APP: variants seen among roughly 807,000 people sequenced by gnomAD.
APP encodes amyloid-beta precursor protein.
APP carries 31 observed loss-of-function variants against 101.4 expected under a neutral mutation model. The observed-to-expected ratio is 0.31, with a 90% CI of 0.23 to 0.41. The LOEUF is 0.41. Among genes scored for constraint, APP ranks in the 10% least tolerant of loss-of-function variants. APP has a pLI of 1.00. For missense variants in APP, 839 were observed against 1,003.7 expected (o/e 0.84, Z 2.22); for synonymous variants, 366 against 364.4 (o/e 1.00, Z -0.05).
rs1210822893 is a variant in APP, at chr21:25,911,970, A to C, written c.1688-8T>G. The C allele has an allele frequency of 6.2e-7, 1 of 1,606,872 alleles. No homozygotes were observed. Among genetic ancestry groups the C allele is most frequent in the Non-Finnish European group, 8.5e-7 (1 of 1,173,506 alleles). On this transcript the variant is annotated splice_region_variant and splice_polypyrimidine_tract_variant and intron_variant, in intron 13 of 17. Transcript: ENST00000346798. Reference sequence around the variant, plus strand: ...CTTTCTGAAGCAGCTCATCTAAACCAAACAAAACCATCTCTTTGGTGAGTA... The same window carrying C: ...CTTTCTGAAGCAGCTCATCTAAACCCAACAAAACCATCTCTTTGGTGAGTA...
chr21:26,019,068 T>C (rs2044220851), intron 6 of APP, among the ~76,000 whole-genome samples: 1 of 152,262 alleles, frequency 6.6e-6, no homozygotes, highest in African/African-American at 2.4e-5. Flanking sequence ...CATCCTCTCA[T>C]TGTACTGCAT....
intron 3 of APP, among the ~76,000 whole-genome samples, chr21:26,053,975 T>C (rs557710284): frequency 4.6e-5 from 7 of 152,316 alleles, no homozygotes; most frequent in African/African-American, 9.6e-5. Flanking sequence ...ATTGAAGATA[T>C]AAAGATATTA....
chr21:26,144,086 G>A (rs945398488), intron 1 of APP, among the ~76,000 whole-genome samples: 19 of 152,022 alleles, frequency 1.2e-4, no homozygotes, highest in African/African-American at 4.6e-4. Flanking sequence ...ATGGTGGCAG[G>A]AAGAAGAAGT....
intron 1 of APP, among the ~76,000 whole-genome samples, chr21:26,153,982 A>C (rs1601587080): frequency 6.6e-6 from 1 of 152,226 alleles, no homozygotes; most frequent in Non-Finnish European, 1.5e-5. Context: ...CAAATATTTC[A>C]CAAAAATGAG....
intron 3 of APP, among the ~76,000 whole-genome samples, chr21:26,057,473 CCACACA>C (rs71855086): frequency 0.055 from 8,145 of 149,138 alleles, 417 homozygotes; most frequent in East Asian, 0.22. Context: ...ATGTCACACA[CCACACA>C]CACACACACA....
chr21:26,106,489 A>G (rs1174439442), intron 2 of APP, among the ~76,000 whole-genome samples: 1 of 152,170 alleles, frequency 6.6e-6, no homozygotes, highest in African/African-American at 2.4e-5. Context: ...TCCAAGACCC[A>G]GGCAATCACA....
rs114577706 is a variant in APP, at chr21:25,958,871, C to G, written c.1459-3116G>C. The stretch of plus-strand genomic sequence containing the variant: ...TATATTAAATGCTTTTTGCTGGTAA[C>G]TCATCAAATCTTCGTCTCAGCCCTA... On this transcript the variant is annotated intron_variant, in intron 11 of 17. Transcript: ENST00000346798. 4.1e-3 allele frequency among the ~76,000 whole-genome samples: 631 copies of G among 152,218 alleles called. 5 individuals carry two copies. Among genetic ancestry groups the G allele is most frequent in the African/African-American group, 0.015 (606 of 41,530 alleles).
At chr21:26,025,360 T>C (rs1042343856) in intron 5 of APP, among the ~76,000 whole-genome samples, 6 of 152,214 alleles carry the variant, frequency 3.9e-5, no homozygotes, top group African/African-American at 1.4e-4. Context: ...TGTTTTCCAA[T>C]TTAAGTGGAA....
chr21:25,885,807 T>C (rs931033370), intron 17 of APP, among the ~76,000 whole-genome samples: 10 of 152,204 alleles, frequency 6.6e-5, no homozygotes, highest in African/African-American at 2.4e-4. Context: ...TCCCTGAACT[T>C]GATTCATTGG....
intron 5 of APP, among the ~76,000 whole-genome samples, chr21:26,039,666 T>C (rs777823411): frequency 1.4e-4 from 21 of 152,162 alleles, no homozygotes; most frequent in Non-Finnish European, 2.8e-4. Flanking sequence ...CAAAACAAAG[T>C]ACAACAGTGA....
intron 11 of APP, among the ~76,000 whole-genome samples, chr21:25,964,810 G>A (rs929229947): frequency 1.4e-4 from 21 of 151,924 alleles, no homozygotes; most frequent in Non-Finnish European, 2.4e-4. Flanking sequence ...ATGTTGGTCC[G>A]GCTGGTCTTG....
chr21:26,067,102 A>G (rs1475467673), intron 3 of APP, among the ~76,000 whole-genome samples: 1 of 152,218 alleles, frequency 6.6e-6, no homozygotes, highest in Non-Finnish European at 1.5e-5. Context: ...AATAGAGGCC[A>G]CATATCTAAT....
intron 16 of APP, among the ~76,000 whole-genome samples, chr21:25,896,419 C>CAT (rs1491102490): frequency 1.1e-5 from 1 of 89,978 alleles, no homozygotes; most frequent in East Asian, 2.7e-4. Context: ...AAGTAACACT[C>CAT]ACACACACAC....
At chr21:26,166,849 G>C (rs748958468) in intron 1 of APP, among the ~76,000 whole-genome samples, 55 of 150,714 alleles carry the variant, frequency 3.6e-4, no homozygotes, top group Non-Finnish European at 6.0e-4. Flanking sequence ...AGAATACCCT[G>C]CACCAGCATC....
At chr21:25,896,386 A>G (rs1411627138) in intron 16 of APP, among the ~76,000 whole-genome samples, 1 of 151,958 alleles carries the variant, frequency 6.6e-6, no homozygotes, top group Admixed American at 6.6e-5. Flanking sequence ...TGAATATTGA[A>G]AAGACATTTT....
intron 1 of APP, among the ~76,000 whole-genome samples, chr21:26,128,392 T>C (rs1370447822): frequency 6.6e-6 from 1 of 152,226 alleles, no homozygotes; most frequent in East Asian, 1.9e-4. Flanking sequence ...GAAGCAAATT[T>C]CAAGATATTA....
Position 25,905,033 on chromosome 21 carries a change from T to A in APP, c.1954A>T (p.Thr652Ser), listed in dbSNP as rs1247123243. The change falls in exon 15 of 18, where the codon ACT becomes TCT. Residue 652 changes from threonine to serine, a missense_variant. Transcript: ENST00000346798. ...CAAGCGGTTCTGATACCTGGTCGAG[T>A]GGTCAGTCCTCGGTCGGCAGCAGGG... ...ARPAADRGLT[T>S]RPGSGLTNIK... The A allele has an allele frequency of 6.2e-7, 1 of 1,613,620 alleles. No homozygotes were observed.
At chr21:25,904,568 T>A (rs977888762) in intron 15 of APP, among the ~76,000 whole-genome samples, 1 of 152,190 alleles carries the variant, frequency 6.6e-6, no homozygotes. Context: ...CAGTAACTGA[T>A]TGAAGTTTGA....
intron 13 of APP, among the ~76,000 whole-genome samples, chr21:25,941,104 A>AAC (rs2040557934): frequency 6.6e-6 from 1 of 152,256 alleles, no homozygotes; most frequent in Non-Finnish European, 1.5e-5. Flanking sequence ...GCTAACAATC[A>AAC]GTTAAGTGGT....
Sources: gnomAD v4.1 joint callset for allele counts (sites outside exome capture counted in the v4.1 genomes callset) on GRCh38, gnomAD v4.1.1 for gene constraint, MANE v1.5 for transcripts, NCBI Gene and HGNC (gene_info 2026-07-23, HGNC 2026-07-21) for gene names.